The following GPHN variants were observed in gnomAD, a reference collection of about 807,000 sequenced individuals.
The protein encoded by GPHN is gephyrin.
GPHN carries 17 observed loss-of-function variants against 95.5 expected under a neutral mutation model. That is an observed-to-expected ratio of 0.18 (90% CI 0.12 to 0.27). The LOEUF is 0.27. GPHN is among the 10% of genes least tolerant of loss of function. GPHN has a pLI of 1.00. For missense variants in GPHN, 660 were observed against 978.1 expected (o/e 0.67, Z 4.34); for synonymous variants, 320 against 322.5 (o/e 0.99, Z 0.08).
the GPHN span, among the ~76,000 whole-genome samples, chr14:67,411,013 A>G: frequency 1.3e-5 from 2 of 151,818 alleles, no homozygotes; most frequent in South Asian, 2.1e-4. Flanking sequence ...TGGGCATAGT[A>G]GTGGATACCT....
chr14:67,693,952 A>C, the GPHN span, among the ~76,000 whole-genome samples: 1 of 152,118 alleles, frequency 6.6e-6, no homozygotes, highest in Non-Finnish European at 1.5e-5. Flanking sequence ...AGCCCAGCCT[A>C]GAGTGCTTGT....
chr14:67,366,014 T>C, the GPHN span, among the ~76,000 whole-genome samples: 1 of 152,196 alleles, frequency 6.6e-6, no homozygotes. Context: ...TTGAGACTAT[T>C]TGTTAAACTT....
the GPHN span, among the ~76,000 whole-genome samples, chr14:67,449,056 A>G: frequency 1.3e-5 from 2 of 152,208 alleles, no homozygotes; most frequent in Non-Finnish European, 2.9e-5. Context: ...ATGATAGCCA[A>G]CCAGGAAGGG....
At chr14:66,553,471 ATCTC>A in intron 1 of GPHN, among the ~76,000 whole-genome samples, 2 of 152,118 alleles carry the variant, frequency 1.3e-5, no homozygotes, top group Non-Finnish European at 2.9e-5. Context: ...TCAGCCTTTT[ATCTC>A]TCTGTCAGGT....
the GPHN span, among the ~76,000 whole-genome samples, chr14:67,488,285 C>A: frequency 6.6e-6 from 1 of 152,244 alleles, no homozygotes; most frequent in Non-Finnish European, 1.5e-5. Flanking sequence ...CTCAAGCTGA[C>A]AACCTGTGAG....
Position 66,998,919 on chromosome 14 carries a change from A to T in GPHN, c.964-24714A>T, listed in dbSNP as rs1322857702. Among the ~76,000 whole-genome samples, 4 of 150,000 alleles carry T rather than the reference A, an allele frequency of 2.7e-5. No homozygotes were observed. The East Asian group carries it at 7.8e-4, about 29-fold the overall frequency. ...TATATATATATACACATATATATAT[A>T]TACACACAATTATTTTACTTGTGAT... On this transcript the variant is annotated intron_variant, in intron 9 of 22. Transcript: ENST00000478722.
At chr14:66,994,626 G>T (rs750677973) in intron 9 of GPHN, among the ~76,000 whole-genome samples, 55 of 152,124 alleles carry the variant, frequency 3.6e-4, no homozygotes, top group Non-Finnish European at 1.0e-4. Flanking sequence ...TTTTAACAAT[G>T]ACAACACTCT....
chr14:66,836,332 A>G (rs1287815774), intron 4 of GPHN, among the ~76,000 whole-genome samples: 1 of 140,692 alleles, frequency 7.1e-6, no homozygotes, highest in Non-Finnish European at 1.5e-5. Context: ...GAGAAAAACA[A>G]GCAATGGGGA....
chr14:67,685,230 G>A, the GPHN span: 13 of 1,583,412 alleles, frequency 8.2e-6, no homozygotes, highest in South Asian at 1.1e-5. Flanking sequence ...ATGAAGAGAG[G>A]GTAAGACAGG....
the GPHN span, among the ~76,000 whole-genome samples, chr14:67,565,100 C>T: frequency 9.9e-5 from 15 of 152,266 alleles, no homozygotes; most frequent in South Asian, 1.5e-3. Context: ...TTAAGGGCTT[C>T]GCACGGAGCC....
chr14:67,686,241 G>A, the GPHN span: 1 of 152,130 alleles, frequency 6.6e-6, no homozygotes, highest in Non-Finnish European at 1.5e-5. Context: ...TCCCTTTTGT[G>A]ACTCATTTCT....
At chr14:66,982,965 A>G (rs1405671760) in intron 9 of GPHN, among the ~76,000 whole-genome samples, 1 of 152,170 alleles carries the variant, frequency 6.6e-6, no homozygotes, top group African/African-American at 2.4e-5. Context: ...ATAATCAAGC[A>G]TTTGGCCGGG....
intron 3 of GPHN, among the ~76,000 whole-genome samples, chr14:66,787,913 G>A (rs892695137): frequency 2.7e-5 from 4 of 150,890 alleles, no homozygotes; most frequent in East Asian, 3.9e-4. Flanking sequence ...AAGTCTTTAC[G>A]ACCTGGGGCT....
intron 21 of GPHN, among the ~76,000 whole-genome samples, chr14:67,177,671 A>G (rs1205617093): frequency 6.6e-6 from 1 of 152,168 alleles, no homozygotes; most frequent in African/African-American, 2.4e-5. Context: ...TAATATTGAC[A>G]GTGGGGTGTT....
chr14:67,165,204 A>G lies in GPHN; in HGVS notation c.1953A>G (p.Arg651=), dbSNP rs2082205840. 6.2e-7 allele frequency: 1 copy of G among 1,609,424 alleles called. No individual in the cohort carries two copies. Among genetic ancestry groups the G allele is most frequent in the African/African-American group, 1.3e-5 (1 of 74,980 alleles). The change falls in exon 20 of 23, where the codon AGA becomes AGG. Residue 651 remains arginine (R), a synonymous_variant. Coordinates refer to ENST00000478722, the MANE Select transcript of GPHN (RefSeq NM_020806.5). ...CAACTTTGGATATTGATGGTGTAAG[A>G]AAAATAATCTTTGCACTACCTGGTA... is the stretch of plus-strand genomic sequence containing the variant. The part of the protein sequence containing the change: ...TFATLDIDGV[R]KIIFALPGNP...
chr14:66,681,786 T>A (rs902584231), intron 2 of GPHN, among the ~76,000 whole-genome samples: 2 of 152,142 alleles, frequency 1.3e-5, no homozygotes, highest in Non-Finnish European at 2.9e-5. Context: ...TACACTTTTA[T>A]ATTTACTGGT....
intron 1 of GPHN, among the ~76,000 whole-genome samples, chr14:66,676,080 T>G (rs2066571638): frequency 6.6e-6 from 1 of 152,206 alleles, no homozygotes; most frequent in Non-Finnish European, 1.5e-5. Context: ...AGCATAATGG[T>G]GGGATTTGGG....
intron 10 of GPHN, among the ~76,000 whole-genome samples, chr14:67,049,548 C>G (rs551300892): frequency 6.9e-6 from 1 of 145,238 alleles, no homozygotes; most frequent in South Asian, 2.2e-4. Context: ...GAGTCTCGCT[C>G]TGTTGCCAGG....
intron 1 of GPHN, among the ~76,000 whole-genome samples, chr14:66,666,744 C>G (rs746747627): frequency 4.6e-5 from 7 of 152,206 alleles, no homozygotes; most frequent in Non-Finnish European, 7.3e-5. Context: ...GACGCCCTCT[C>G]TCACCGCTCC....
Sources: allele counts gnomAD v4.1 joint callset (sites outside exome capture counted in the v4.1 genomes callset), GRCh38; gene constraint gnomAD v4.1.1; transcripts MANE v1.5; gene names NCBI Gene and HGNC (gene_info 2026-07-23, HGNC 2026-07-21).